Variants in PIWIL1 observed in about 807,000 individuals in gnomAD.
PIWIL1 encodes the protein piwi like RNA-mediated gene silencing 1, also known as piwi-like protein 1.
Under a neutral mutation model 114.4 loss-of-function variants are expected in PIWIL1, and 73 were observed. The observed-to-expected ratio is 0.64, with a 90% CI of 0.53 to 0.78. The LOEUF (loss-of-function observed/expected upper bound fraction) is 0.78. PIWIL1 is among the 30% of genes least tolerant of loss of function. PIWIL1 has a pLI of 0.00. For missense variants in PIWIL1, 723 were observed against 1,063.1 expected, an observed-to-expected ratio of 0.68 and a Z score of 4.45; for synonymous variants, 375 against 369.0, an observed-to-expected ratio of 1.02 and a Z score of -0.19.
chr12:130,342,308 A>T, intron 1 of PIWIL1: 1 of 453,256 alleles, frequency 2.2e-6, no homozygotes, highest in Non-Finnish European at 4.0e-6. Context: ...GTCTGTTTAT[A>T]ATAAATAATC....
At chr12:130,389,790 C>G in the PIWIL1 span, among the ~76,000 whole-genome samples, 1 of 152,256 alleles carries the variant, frequency 6.6e-6, no homozygotes, top group Non-Finnish European at 1.5e-5. Flanking sequence ...TTCTTCCTAT[C>G]TAACATCTTA....
chr12:130,422,633 C>G, the PIWIL1 span: 1 of 1,124,448 alleles, frequency 8.9e-7, no homozygotes. This position sits in a 1 kb window ranked among gnomAD's most constrained non-coding sequence, Gnocchi z 5.2. Flanking sequence ...TTAGCCAAAT[C>G]AAGCGGGTTG....
chr12:130,402,423 C>T, the PIWIL1 span, among the ~76,000 whole-genome samples: 4 of 152,110 alleles, frequency 2.6e-5, no homozygotes, highest in African/African-American at 9.7e-5. Context: ...TCTGCCTTCC[C>T]CTGGTACTGA....
the PIWIL1 span, chr12:130,412,604 G>A: frequency 1.9e-6 from 3 of 1,610,582 alleles, no homozygotes; most frequent in Admixed American, 3.3e-5. Flanking sequence ...AGGTCGAATA[G>A]GGGTTTGCGC....
chr12:130,399,258 T>C, the PIWIL1 span: 1 of 633,390 alleles, frequency 1.6e-6, no homozygotes, highest in East Asian at 4.1e-5. Flanking sequence ...AATGAGATAC[T>C]AAACATGAAT....
chr12:130,392,659 C>T, the PIWIL1 span, among the ~76,000 whole-genome samples: 2 of 68,882 alleles, frequency 2.9e-5, 1 homozygote, highest in African/African-American at 1.0e-4. Flanking sequence ...TGTGATGACC[C>T]GGTCACCGTC....
chr12:130,412,635 T>G, the PIWIL1 span: 4 of 1,613,948 alleles, frequency 2.5e-6, no homozygotes, highest in Non-Finnish European at 3.4e-6. Context: ...TCTCCACAGG[T>G]GTATTCAGAG....
chr12:130,341,042 G>T (rs2072905995), intron 1 of PIWIL1, among the ~76,000 whole-genome samples: 1 of 152,156 alleles, frequency 6.6e-6, no homozygotes, highest in South Asian at 2.1e-4. Context: ...AAGAATTTTA[G>T]AAGCTGTTAA....
intron 9 of PIWIL1, chr12:130,351,736 C>G (rs2136148561): frequency 6.6e-6 from 1 of 152,362 alleles, no homozygotes; most frequent in Non-Finnish European, 1.5e-5. Flanking sequence ...TGTCACTCAC[C>G]TTGTTATCTG....
At chr12:130,394,579 C>A in the PIWIL1 span, among the ~76,000 whole-genome samples, 2 of 152,088 alleles carry the variant, frequency 1.3e-5, no homozygotes, top group African/African-American at 4.8e-5. Context: ...TCCCAAGAAC[C>A]CAGTTCGTCA....
chr12:130,405,419 G>T, the PIWIL1 span, among the ~76,000 whole-genome samples: 1 of 152,184 alleles, frequency 6.6e-6, no homozygotes, highest in African/African-American at 2.4e-5. Flanking sequence ...GATAAAGGCG[G>T]TGGGGGAGCA....
At chr12:130,398,273 G>A in the PIWIL1 span, 2 of 152,226 alleles carry the variant, frequency 1.3e-5, no homozygotes, top group Non-Finnish European at 2.9e-5. Context: ...CTAAGCATGT[G>A]CCTGAGTTGG....
the PIWIL1 span, among the ~76,000 whole-genome samples, chr12:130,393,037 G>A: frequency 3.7e-3 from 263 of 71,614 alleles, no homozygotes; most frequent in Middle Eastern, 0.033. Context: ...CCGTCATCAC[G>A]TGTGTCCGTC....
intron 16 of PIWIL1, 46 bp from the exon 17 acceptor site, chr12:130,362,720 G>T (rs1312461056): frequency 6.6e-7 from 1 of 1,520,426 alleles, no homozygotes; most frequent in Non-Finnish European, 9.1e-7. Flanking sequence ...AGGAAAAATT[G>T]ATAGACAATT....
the PIWIL1 span, among the ~76,000 whole-genome samples, chr12:130,413,885 G>C: frequency 8.8e-3 from 1,338 of 152,254 alleles, 21 homozygotes; most frequent in African/African-American, 0.03. Flanking sequence ...AGAATCCAGA[G>C]TTCACAGGAC....
chr12:130,342,987 CAG>C lies in PIWIL1; in HGVS notation c.79_80del. Reference sequence around the variant, plus strand: ...AATGTTCTTTATTTGCATGTAACTACAGAGTCAGCAACCTGGTTATATTCAGC... The same window carrying C: ...AATGTTCTTTATTTGCATGTAACTACAGTCAGCAACCTGGTTATATTCAGC... On this transcript the variant is annotated splice_acceptor_variant, in intron 2 of 20. Coordinates refer to ENST00000245255, the MANE Select transcript of PIWIL1 (RefSeq NM_004764.5). LOFTEE classifies it high-confidence loss of function. 1 of 1,609,244 alleles carries C rather than the reference CAG, an allele frequency of 6.2e-7. No individual in the cohort carries two copies. Among genetic ancestry groups the C allele is most frequent in the East Asian group, 2.2e-5 (1 of 44,848 alleles).
At chr12:130,350,203 A>G (rs1268487793) in intron 9 of PIWIL1, among the ~76,000 whole-genome samples, 2 of 152,216 alleles carry the variant, frequency 1.3e-5, no homozygotes, top group Non-Finnish European at 1.5e-5. Context: ...AGTAGAATGA[A>G]AGCTTACGTT....
intron 7 of PIWIL1, 80 bp from the exon 8 acceptor site, chr12:130,349,159 A>G: frequency 1.0e-6 from 1 of 983,826 alleles, no homozygotes; most frequent in South Asian, 1.5e-5. Flanking sequence ...CCCAGTTAAT[A>G]AAAGTGAAAA....
the PIWIL1 span, among the ~76,000 whole-genome samples, chr12:130,380,430 A>G: frequency 6.6e-6 from 1 of 152,366 alleles, no homozygotes; most frequent in East Asian, 1.9e-4. Context: ...CCTGCCTAGA[A>G]GTAAAGAAGG....
Sources: allele counts gnomAD v4.1 joint callset (sites outside exome capture counted in the v4.1 genomes callset), GRCh38; gene constraint gnomAD v4.1.1; non-coding constraint Gnocchi (gnomAD v3.1); transcripts MANE v1.5; gene names NCBI Gene and HGNC (gene_info 2026-07-23, HGNC 2026-07-21).